TXNRD1: variants seen among roughly 807,000 people sequenced by gnomAD.
TXNRD1 encodes thioredoxin reductase 1, also known as thioredoxin reductase 1, cytoplasmic.
Under a neutral mutation model 80.3 loss-of-function variants are expected in TXNRD1, and 57 were observed. The ratio of observed to expected loss-of-function variants is 0.71; its 90% CI spans 0.57 to 0.89. The LOEUF is 0.89. TXNRD1 is among the 40% of genes least tolerant of loss of function. The pLI is 0.00. For missense variants in TXNRD1, 730 were observed against 803.0 expected, an observed-to-expected ratio of 0.91 and a Z score of 1.10; for synonymous variants, 291 against 285.2, an observed-to-expected ratio of 1.02 and a Z score of -0.20.
intron 13 of TXNRD1, among the ~76,000 whole-genome samples, chr12:104,328,985 C>T (rs894276519): frequency 1.3e-5 from 2 of 152,104 alleles, no homozygotes; most frequent in Non-Finnish European, 2.9e-5. Flanking sequence ...ATTTTCCTTA[C>T]ATTGGTTTCA....
intron 3 of TXNRD1, among the ~76,000 whole-genome samples, chr12:104,283,729 G>A (rs2033924674): frequency 6.6e-6 from 1 of 152,056 alleles, no homozygotes; most frequent in Admixed American, 6.5e-5. Flanking sequence ...AATTAGCCAG[G>A]CGTGGTGGCA....
chr12:104,250,061 T>C (rs1449064864), intron 1 of TXNRD1, among the ~76,000 whole-genome samples: 1 of 152,102 alleles, frequency 6.6e-6, no homozygotes, highest in Non-Finnish European at 1.5e-5. Context: ...AGTCTAGGTG[T>C]AGTGACAGTA....
intron 7 of TXNRD1, among the ~76,000 whole-genome samples, chr12:104,316,517 GTAGCT>G (rs1565898407): frequency 6.6e-6 from 1 of 152,080 alleles, no homozygotes; most frequent in African/African-American, 2.4e-5. Context: ...AGCCTCCCGA[GTAGCT>G]GGGATTACGG....
At chr12:104,306,037 G>A (rs955052255) in intron 4 of TXNRD1, among the ~76,000 whole-genome samples, 3 of 152,054 alleles carry the variant, frequency 2.0e-5, no homozygotes, top group African/African-American at 7.2e-5. Context: ...CCAAGTAGCC[G>A]GGATTACAGG....
Position 104,299,552 on chromosome 12 carries a change from A to G in TXNRD1, c.414+10512A>G, listed in dbSNP as rs924337428. 9.2e-4 allele frequency among the ~76,000 whole-genome samples: 140 copies of G among 151,982 alleles called. 1 individual carries two copies. Among genetic ancestry groups the G allele is most frequent in the African/African-American group, 3.3e-3 (136 of 41,368 alleles). On this transcript the variant is annotated intron_variant, in intron 4 of 16. Transcript: ENST00000525566. ...GGGAGGCTGAGGCGGGCGGATCACGAGGTCAGGAGTTCGAGACCAGCCTGG... is the reference window on the plus strand; with the variant it reads ...GGGAGGCTGAGGCGGGCGGATCACGGGGTCAGGAGTTCGAGACCAGCCTGG...
intron 9 of TXNRD1, among the ~76,000 whole-genome samples, chr12:104,320,811 A>C (rs1428069965): frequency 1.3e-5 from 2 of 152,198 alleles, no homozygotes; most frequent in East Asian, 3.8e-4. Flanking sequence ...AAAATCATTT[A>C]GTGTGAAGAT....
At position 104,254,645 on chromosome 12, in the gene TXNRD1, ATAT is replaced by A. The variant is rs1183174669; in HGVS notation, c.243+2968_243+2970del. Among the ~76,000 whole-genome samples the A allele has an allele frequency of 1.0e-4, 9 of 88,164 alleles. 1 individual carries two copies. Among genetic ancestry groups the A allele is most frequent in the South Asian group, 3.6e-4 (1 of 2,764 alleles). The allele number at this position is 88,164 out of a possible 152,430, so 57.8% of individuals were successfully genotyped here. ...TATGTCTATGGAAAAAAAAAAAAAA[ATAT>A]ATATATATATATATATATCAGCATG... On this transcript the variant is annotated intron_variant, in intron 2 of 16. Transcript: ENST00000525566.
intron 3 of TXNRD1, among the ~76,000 whole-genome samples, chr12:104,278,189 C>CTT (rs202175579): frequency 6.1e-5 from 6 of 98,292 alleles, no homozygotes; most frequent in East Asian, 2.9e-4. Flanking sequence ...TGATCAAATT[C>CTT]TTTTTTTTTT....
chr12:104,258,293 CAG>C (rs1299413945), intron 3 of TXNRD1: 10 of 439,188 alleles, frequency 2.3e-5, no homozygotes, highest in Middle Eastern at 5.6e-4. Context: ...TGGTATTACC[CAG>C]AGTTTCCTCT....
intron 1 of TXNRD1, among the ~76,000 whole-genome samples, chr12:104,224,247 A>C (rs2032420870): frequency 6.6e-6 from 1 of 152,132 alleles, no homozygotes; most frequent in Non-Finnish European, 1.5e-5. Context: ...AGTCCAAATG[A>C]CAGTTTTGTA....
intron 1 of TXNRD1, among the ~76,000 whole-genome samples, chr12:104,241,936 G>GCTTT (rs1406884883): frequency 1.8e-5 from 1 of 56,278 alleles, no homozygotes; most frequent in South Asian, 7.2e-4. Context: ...TTATACTAAT[G>GCTTT]ATTTTTTTTT....
chr12:104,258,075 A>G lies in TXNRD1; in HGVS notation c.300A>G (p.Gln100=). The G allele has an allele frequency of 2.6e-6, 4 of 1,548,944 alleles. No individual in the cohort carries two copies. The highest frequency in any genetic ancestry group is 2.4e-5 in the South Asian group (2 of 83,302). The change falls in exon 3 of 17, where the codon CAA becomes CAG. Residue 100 remains glutamine (Q), a synonymous_variant. Transcript: ENST00000525566. ...CTTATTTTGTGCTTGAACTTGATCAAACAGGTAAGTTTCTGTTTAATATGT... is the reference window on the plus strand; with the variant it reads ...CTTATTTTGTGCTTGAACTTGATCAGACAGGTAAGTTTCTGTTTAATATGT... ...CVPYFVLELD[Q]TEDGRALEGT...
intron 16 of TXNRD1, chr12:104,346,059 C>A: frequency 8.4e-7 from 1 of 1,186,458 alleles, no homozygotes; most frequent in Non-Finnish European, 1.1e-6. Flanking sequence ...GTCACCCAGG[C>A]TGGAGTGCAG....
chr12:104,304,260 C>T (rs370366308), intron 4 of TXNRD1: 21 of 1,614,050 alleles, frequency 1.3e-5, no homozygotes, highest in Non-Finnish European at 1.8e-5. Flanking sequence ...CAGTTAAACT[C>T]AGATATGAAC....
At chr12:104,240,962 C>T (rs185118468) in intron 1 of TXNRD1, among the ~76,000 whole-genome samples, 4 of 151,272 alleles carry the variant, frequency 2.6e-5, no homozygotes, top group Non-Finnish European at 5.9e-5. Context: ...AGGATGGTCT[C>T]GATCTCCTGA....
intron 4 of TXNRD1, chr12:104,309,990 C>G (rs1404420369): frequency 6.5e-7 from 1 of 1,536,278 alleles, no homozygotes; most frequent in Non-Finnish European, 8.7e-7. Context: ...CATTGCTCCA[C>G]CGCACCCCCT....
chr12:104,328,475 G>GTAA (rs2135855124), intron 13 of TXNRD1, among the ~76,000 whole-genome samples: 1 of 152,106 alleles, frequency 6.6e-6, no homozygotes, highest in Admixed American at 6.5e-5. Context: ...CTGTCTTAGA[G>GTAA]GCCAGGTGCG....
chr12:104,269,791 G>A (rs904232573), intron 3 of TXNRD1, among the ~76,000 whole-genome samples: 14 of 151,886 alleles, frequency 9.2e-5, no homozygotes, highest in African/African-American at 2.2e-4. Context: ...GGATGGTCTC[G>A]ATCTCCTGAC....
At chr12:104,216,614 G>A (rs2032221025) in intron 1 of TXNRD1, among the ~76,000 whole-genome samples, 1 of 152,202 alleles carries the variant, frequency 6.6e-6, no homozygotes, top group Non-Finnish European at 1.5e-5. Context: ...CAGCCATACT[G>A]AGAGATTTAT....
Sources: gnomAD v4.1 joint callset for allele counts (sites outside exome capture counted in the v4.1 genomes callset) on GRCh38, gnomAD v4.1.1 for gene constraint, MANE v1.5 for transcripts, NCBI Gene and HGNC (gene_info 2026-07-23, HGNC 2026-07-21) for gene names.